The following C3orf49 variants were observed in gnomAD, a reference collection of about 807,000 sequenced individuals.
The protein encoded by C3orf49 is chromosome 3 open reading frame 49, also known as putative uncharacterized protein C3orf49.
In C3orf49, 27 loss-of-function variants were observed where a neutral mutation model predicts 13.3. The ratio of observed to expected loss-of-function variants is 2.02; its 90% CI spans 1.49 to 2.79. The LOEUF (loss-of-function observed/expected upper bound fraction) is 2.79. Ranked by LOEUF, C3orf49 falls within the 30% of genes most tolerant of loss-of-function variation. C3orf49 has a pLI of 0.00. For missense variants in C3orf49, 242 were observed against 134.2 expected, an observed-to-expected ratio of 1.80 and a Z score of -3.97; for synonymous variants, 87 against 47.6, an observed-to-expected ratio of 1.83 and a Z score of -3.40.
chr3:63,820,911 A>G (rs1011122761), intron 1 of C3orf49, among the ~76,000 whole-genome samples: 1 of 152,108 alleles, frequency 6.6e-6, no homozygotes, highest in Non-Finnish European at 1.5e-5. Flanking sequence ...GGAGGCTGCT[A>G]GCTTCTCCCT....
At position 63,848,509 on chromosome 3, in the gene C3orf49, C is replaced by T. The variant is rs1048110063; in HGVS notation, c.*176C>T. The T allele has an allele frequency of 2.6e-5, 4 of 152,168 alleles. No individual in the cohort carries two copies. The allele number at this position is 152,168 out of a possible 1,614,324, so 9.4% of individuals were successfully genotyped here. A position where few individuals can be genotyped will look rare whatever the true frequency, so the allele number is the denominator to read the frequency against. On this transcript the variant is annotated 3_prime_UTR_variant, in exon 7 of 7. Coordinates refer to ENST00000295896, the MANE Select transcript of C3orf49 (RefSeq NM_001355236.2). ...TCTTACGTGTATTCATTGATGTCTGCCTGTAACTTCTGTCCCCCTAAAATG... is the reference window on the plus strand; with the variant it reads ...TCTTACGTGTATTCATTGATGTCTGTCTGTAACTTCTGTCCCCCTAAAATG...
intron 6 of C3orf49, among the ~76,000 whole-genome samples, chr3:63,846,417 AT>A (rs962831144): frequency 6.6e-6 from 1 of 151,696 alleles, no homozygotes; most frequent in Non-Finnish European, 1.5e-5. Context: ...AAAAATTTTT[AT>A]TTTTTTTAGA....
At chr3:63,838,562 T>C (rs535463077) in intron 5 of C3orf49, 294 of 1,451,412 alleles carry the variant, frequency 2.0e-4, no homozygotes, top group Admixed American at 9.9e-4. Flanking sequence ...TGAACTGTTA[T>C]AATGCAGACA....
At chr3:63,824,093 C>G (rs1413194965) in intron 2 of C3orf49, among the ~76,000 whole-genome samples, 1 of 152,014 alleles carries the variant, frequency 6.6e-6, no homozygotes, top group Non-Finnish European at 1.5e-5. Flanking sequence ...GAGCCTTGCT[C>G]ATACCTTTTG....
At chr3:63,811,566 A>G in the C3orf49 span, among the ~76,000 whole-genome samples, 1 of 151,350 alleles carries the variant, frequency 6.6e-6, no homozygotes, top group African/African-American at 2.4e-5. Context: ...TCAAAAAACA[A>G]AAACAAAACA....
the C3orf49 span, among the ~76,000 whole-genome samples, chr3:63,788,419 A>G: frequency 6.6e-6 from 1 of 152,204 alleles, no homozygotes; most frequent in Non-Finnish European, 1.5e-5. Context: ...TGTTTTAAAA[A>G]CATTTTGAGA....
chr3:63,841,810 C>A (rs1397103867), intron 5 of C3orf49, among the ~76,000 whole-genome samples: 1 of 152,114 alleles, frequency 6.6e-6, no homozygotes. Flanking sequence ...AATTTTCTTA[C>A]TACAAATGTT....
chr3:63,798,373 C>A, the C3orf49 span, among the ~76,000 whole-genome samples: 1 of 152,078 alleles, frequency 6.6e-6, no homozygotes, highest in Non-Finnish European at 1.5e-5. Flanking sequence ...ACTGTTGAGG[C>A]AAATTACTTC....
upstream of C3orf49, among the ~76,000 whole-genome samples, chr3:63,814,506 T>C (rs994925518): frequency 9.2e-5 from 14 of 152,104 alleles, no homozygotes; most frequent in Non-Finnish European, 1.8e-4. Flanking sequence ...CTGAATAGGA[T>C]TATGCAATCT....
intron 2 of C3orf49, among the ~76,000 whole-genome samples, chr3:63,825,223 A>G (rs2107099957): frequency 6.6e-6 from 1 of 152,266 alleles, no homozygotes; most frequent in African/African-American, 2.4e-5. Context: ...GGAAACACAC[A>G]GCCCTTCTAG....
chr3:63,787,337 G>A, the C3orf49 span: 118 of 152,170 alleles, frequency 7.8e-4, no homozygotes, highest in African/African-American at 2.7e-3. Context: ...GGCAGTTGTG[G>A]TTAAATTACC....
In C3orf49 at chr3:63,831,209, A is replaced by G; in HGVS notation, c.670A>G (p.Lys224Glu). 1.4e-6 allele frequency: 1 copy of G among 702,722 alleles called. No homozygotes were observed. The highest frequency in any genetic ancestry group is 2.6e-6 in the Non-Finnish European group (1 of 384,924). 43.5% of individuals were successfully genotyped at this position (702,722 alleles called of 1,614,324 possible). Residue 224 changes from lysine to glutamate, a missense_variant, in exon 4 of 7, where the codon AAG (lysine) becomes GAG (glutamate). Physicochemically the swap from Lys to Glu is moderately conservative, Grantham distance 56. Transcript: ENST00000295896. ...ILRKSDLTVGKLQMQVDDLIE... is the reference protein window; with the variant it reads ...ILRKSDLTVGELQMQVDDLIE... ...TCGAAAATCAGATTTGACAGTAGGA[A>G]AGCTTCAAATGCAGGTAGTGGACAA...
At chr3:63,800,718 T>C in the C3orf49 span, among the ~76,000 whole-genome samples, 1 of 152,150 alleles carries the variant, frequency 6.6e-6, no homozygotes, top group Non-Finnish European at 1.5e-5. Context: ...TTTATTAAAA[T>C]TTGTCTTGTC....
intron 3 of C3orf49, among the ~76,000 whole-genome samples, chr3:63,828,239 A>G (rs927616832): frequency 3.9e-5 from 6 of 152,200 alleles, no homozygotes; most frequent in African/African-American, 1.2e-4. Flanking sequence ...TGCAGCGTAG[A>G]TTATCTAGGA....
chr3:63,780,545 T>A, the C3orf49 span, among the ~76,000 whole-genome samples: 1 of 152,196 alleles, frequency 6.6e-6, no homozygotes, highest in African/African-American at 2.4e-5. Context: ...TAGTTCTAGA[T>A]CCCTGAGGAA....
chr3:63,815,493 T>C (rs927323027), upstream of C3orf49, among the ~76,000 whole-genome samples: 3 of 152,174 alleles, frequency 2.0e-5, no homozygotes, highest in African/African-American at 4.8e-5. Context: ...GCCTTCCCCA[T>C]GTCACCTATG....
chr3:63,805,591 G>C, the C3orf49 span, among the ~76,000 whole-genome samples: 2 of 152,206 alleles, frequency 1.3e-5, no homozygotes, highest in African/African-American at 4.8e-5. Context: ...TTGTTCCTCA[G>C]GCCCCACGGG....
At chr3:63,815,248 C>T (rs1294056719), upstream of C3orf49, among the ~76,000 whole-genome samples, 4 of 152,122 alleles carry the variant, frequency 2.6e-5, no homozygotes. Flanking sequence ...CCCCTATATC[C>T]CAGTTCATTT....
intron 5 of C3orf49, chr3:63,838,581 CTAAT>C: frequency 7.5e-7 from 1 of 1,341,408 alleles, no homozygotes; most frequent in Non-Finnish European, 1.0e-6. Context: ...CAAATATTTG[CTAAT>C]TAAATTATAG....
Sources: allele counts gnomAD v4.1 joint callset (sites outside exome capture counted in the v4.1 genomes callset), GRCh38; gene constraint gnomAD v4.1.1; transcripts MANE v1.5; gene names NCBI Gene and HGNC (gene_info 2026-07-23, HGNC 2026-07-21).